Variants in TNFAIP6 observed in about 807,000 individuals in gnomAD.
The protein encoded by TNFAIP6 is tumor necrosis factor-inducible gene 6 protein.
In TNFAIP6, 36 loss-of-function variants were observed where a neutral mutation model predicts 33.7. The ratio of observed to expected loss-of-function variants is 1.07; its 90% CI spans 0.82 to 1.41. The LOEUF (loss-of-function observed/expected upper bound fraction) is 1.41, where lower values mean the gene tolerates loss of function less well. Ranked by LOEUF, TNFAIP6 falls within the 40% of genes most tolerant of loss-of-function variation. The pLI, the probability that TNFAIP6 is intolerant of heterozygous loss-of-function variation, is 0.00. For missense variants in TNFAIP6, 273 were observed against 331.9 expected (o/e 0.82, Z 1.38); for synonymous variants, 113 against 112.8 (o/e 1.00, Z -0.01).
At chr2:151,369,903 C>G (rs1015324334) in intron 3 of TNFAIP6, 117 bp from the exon 4 acceptor site, 1 of 742,636 alleles carries the variant, frequency 1.3e-6, no homozygotes, top group African/African-American at 1.8e-5. Flanking sequence ...ATGCTGTATA[C>G]TAAGACATTT....
At chr2:151,378,619 C>G (rs185493413) in intron 5 of TNFAIP6, among the ~76,000 whole-genome samples, 3 of 151,996 alleles carry the variant, frequency 2.0e-5, no homozygotes, top group Non-Finnish European at 4.4e-5. Context: ...TCCCGAGGAG[C>G]TGGGATTACA....
intron 1 of TNFAIP6, among the ~76,000 whole-genome samples, chr2:151,360,416 T>C (rs1684608332): frequency 6.6e-6 from 1 of 152,178 alleles, no homozygotes; most frequent in South Asian, 2.1e-4. Flanking sequence ...GTTATACAAC[T>C]CCATGGTAGA....
intron 1 of TNFAIP6, 141 bp downstream of exon 1, chr2:151,357,901 G>T: frequency 2.0e-6 from 1 of 490,188 alleles, no homozygotes; most frequent in South Asian, 3.8e-5. Flanking sequence ...ATAGCCTTTG[G>T]AATACATACG....
At chr2:151,363,249 G>C (rs1340746829) in intron 1 of TNFAIP6, among the ~76,000 whole-genome samples, 2 of 152,142 alleles carry the variant, frequency 1.3e-5, no homozygotes, top group Non-Finnish European at 2.9e-5. Flanking sequence ...CCAGGAGGCG[G>C]AGATTGCAGT....
intron 5 of TNFAIP6, among the ~76,000 whole-genome samples, chr2:151,379,015 G>C (rs113572081): frequency 0.15 from 23,290 of 151,944 alleles, 1,877 homozygotes; most frequent in African/African-American, 0.2. Context: ...CAGGAGAATC[G>C]CTTGAGCCCG....
At chr2:151,367,943 A>C (rs1573781808) in intron 3 of TNFAIP6, among the ~76,000 whole-genome samples, 1 of 152,188 alleles carries the variant, frequency 6.6e-6, no homozygotes, top group Admixed American at 6.5e-5. Flanking sequence ...ATTCTAAATA[A>C]TAGATGAGGC....
At chr2:151,375,198 A>C (rs541930162) in intron 5 of TNFAIP6, among the ~76,000 whole-genome samples, 1 of 152,058 alleles carries the variant, frequency 6.6e-6, no homozygotes, top group Non-Finnish European at 1.5e-5. Flanking sequence ...ACTTACTCCA[A>C]ATGTAATCAA....
chr2:151,374,528 A>G (rs1030424722), intron 5 of TNFAIP6, among the ~76,000 whole-genome samples: 6 of 152,204 alleles, frequency 3.9e-5, no homozygotes, highest in Admixed American at 6.5e-5. Context: ...CTAAGTACTC[A>G]GATACTACTA....
chr2:151,376,338 A>C (rs1409379139), intron 5 of TNFAIP6, among the ~76,000 whole-genome samples: 1 of 151,640 alleles, frequency 6.6e-6, no homozygotes, highest in East Asian at 1.9e-4. Flanking sequence ...GGATCACCTC[A>C]GTCCAGGGAG....
rs746569795 is a variant in TNFAIP6 at position 151,370,249 on chromosome 2, G to T, written c.623+1G>T. 3.7e-6 allele frequency: 6 copies of T among 1,606,300 alleles called. No homozygotes were observed. Among genetic ancestry groups the T allele is most frequent in the Non-Finnish European group, 5.1e-6 (6 of 1,172,988 alleles). ...ATGATGTCCATGGCTTTGTGGGAAG[G>T]TACGTATGGGTCCCCATACAGGAAG... On this transcript the variant is annotated splice_donor_variant, in intron 4 of 5. Transcript: ENST00000243347. LOFTEE classifies it high-confidence loss of function.
At chr2:151,365,998 C>T in intron 2 of TNFAIP6, 58 bp from the exon 3 acceptor site, 1 of 1,545,214 alleles carries the variant, frequency 6.5e-7, no homozygotes, top group Non-Finnish European at 8.9e-7. Context: ...GCTAAGATGA[C>T]TTTTGCTTAG....
At chr2:151,377,380 A>G (rs1684932665) in intron 5 of TNFAIP6, among the ~76,000 whole-genome samples, 1 of 151,682 alleles carries the variant, frequency 6.6e-6, no homozygotes, top group Non-Finnish European at 1.5e-5. Context: ...TGTGTTAGCC[A>G]GGATGCTCTC....
intron 1 of TNFAIP6, among the ~76,000 whole-genome samples, chr2:151,358,373 A>G (rs1009731846): frequency 2.0e-5 from 3 of 152,226 alleles, no homozygotes; most frequent in African/African-American, 7.2e-5. Context: ...TTAGACAAGG[A>G]AAGTTTCTTT....
chr2:151,370,122 G>T lies in TNFAIP6; in HGVS notation c.497G>T (p.Arg166Ile). 6.2e-7 allele frequency: 1 copy of T among 1,614,030 alleles called. No individual in the cohort carries two copies. The highest frequency in any genetic ancestry group is 8.5e-7 in the Non-Finnish European group (1 of 1,180,002). The change falls in exon 4 of 6, where the codon AGA becomes ATA. Residue 166 changes from arginine to isoleucine, a missense_variant. Physicochemically the swap from Arg to Ile is moderately conservative, Grantham distance 97 (BLOSUM62 -3). Coordinates refer to ENST00000243347, the MANE Select transcript of TNFAIP6 (RefSeq NM_007115.4). The part of the protein sequence containing the change: ...EDNQICYWHI[R>I]LKYGQRIHLS... ...AACCAAATCTGCTACTGGCACATTAGACTCAAGTATGGTCAGCGTATTCAC... is the reference window on the plus strand; with the variant it reads ...AACCAAATCTGCTACTGGCACATTATACTCAAGTATGGTCAGCGTATTCAC...
Position 151,364,118 on chromosome 2 carries a change from C to T in TNFAIP6, c.232+38C>T, listed in dbSNP as rs758311675. On this transcript the variant is annotated intron_variant, in intron 2 of 5. Transcript: ENST00000243347. ...ACAATGATTTTTCTTCTTTTTTATC[C>T]TTGGAGGAAAAAAATCCATCTTTCC... 8 of 1,601,764 alleles carry T rather than the reference C, an allele frequency of 5.0e-6. No homozygotes were observed. In the South Asian group the frequency reaches 6.7e-5, roughly 13 times the overall value.
chr2:151,359,895 A>G (rs561978785), intron 1 of TNFAIP6, among the ~76,000 whole-genome samples: 203 of 152,370 alleles, frequency 1.3e-3, no homozygotes, highest in African/African-American at 4.1e-3. Flanking sequence ...TACTTAAAAC[A>G]AAAACAAACC....
chr2:151,359,714 G>A (rs1407812859), intron 1 of TNFAIP6, among the ~76,000 whole-genome samples: 1 of 152,072 alleles, frequency 6.6e-6, no homozygotes, highest in Non-Finnish European at 1.5e-5. Context: ...TTTTAAGAAA[G>A]TTTACAAATT....
At chr2:151,380,089 A>G (rs1297573843), downstream of TNFAIP6, 1 of 152,198 alleles carries the variant, frequency 6.6e-6, no homozygotes, top group African/African-American at 2.4e-5. Context: ...AAGGACCTGG[A>G]AATAGAATTA....
intron 3 of TNFAIP6, among the ~76,000 whole-genome samples, chr2:151,366,830 A>G (rs1267359221): frequency 6.6e-6 from 1 of 152,146 alleles, no homozygotes; most frequent in Non-Finnish European, 1.5e-5. Flanking sequence ...TATACCATAT[A>G]TTTTTATTCA....
Sources: allele counts gnomAD v4.1 joint callset (sites outside exome capture counted in the v4.1 genomes callset), GRCh38; gene constraint gnomAD v4.1.1; transcripts MANE v1.5; gene names NCBI Gene and HGNC (gene_info 2026-07-23, HGNC 2026-07-21).